Variants in SKIC3 observed in about 807,000 individuals in gnomAD.
SKIC3 encodes the protein superkiller complex protein 3.
At chr5:95,522,176 T>C in the SKIC3 span, 6 of 1,613,946 alleles carry the variant, frequency 3.7e-6, no homozygotes, top group South Asian at 6.6e-5. Context: ...GTATATGGAT[T>C]CTGGGTTCAG....
the SKIC3 span, among the ~76,000 whole-genome samples, chr5:95,511,507 T>C: frequency 6.6e-6 from 1 of 152,186 alleles, no homozygotes; most frequent in Non-Finnish European, 1.5e-5. Context: ...AGTGCTGATG[T>C]TTGTAAATTA....
the SKIC3 span, chr5:95,550,720 A>T: frequency 6.6e-6 from 1 of 152,538 alleles, no homozygotes; most frequent in Non-Finnish European, 1.5e-5. Context: ...AAAACCTTCT[A>T]AACTTTTTAA....
At chr5:95,543,344 TAA>T in the SKIC3 span, 2 of 1,613,186 alleles carry the variant, frequency 1.2e-6, no homozygotes, top group Non-Finnish European at 1.7e-6. Context: ...TAAAAAAAAT[TAA>T]AAGAGTAGGT....
chr5:95,528,463 A>C, the SKIC3 span, among the ~76,000 whole-genome samples: 1 of 152,204 alleles, frequency 6.6e-6, no homozygotes, highest in Non-Finnish European at 1.5e-5. Context: ...CCACAACCAA[A>C]GCACCTGTAA....
At chr5:95,528,275 A>T in the SKIC3 span, 1 of 1,156,514 alleles carries the variant, frequency 8.6e-7, no homozygotes, top group Non-Finnish European at 1.3e-6. Flanking sequence ...AACAATATAC[A>T]TGAAGAATAA....
At chr5:95,534,349 T>C in the SKIC3 span, among the ~76,000 whole-genome samples, 1 of 152,166 alleles carries the variant, frequency 6.6e-6, no homozygotes, top group Non-Finnish European at 1.5e-5. Context: ...ACACCACTCC[T>C]GCCAGGCAGC....
At chr5:95,535,007 T>C in the SKIC3 span, among the ~76,000 whole-genome samples, 1 of 152,302 alleles carries the variant, frequency 6.6e-6, no homozygotes, top group African/African-American at 2.4e-5. Flanking sequence ...TTGATTTTTG[T>C]CTCTCCGTCT....
At chr5:95,519,285 T>C in the SKIC3 span, among the ~76,000 whole-genome samples, 1 of 152,014 alleles carries the variant, frequency 6.6e-6, no homozygotes, top group Non-Finnish European at 1.5e-5. Context: ...AAATAACACA[T>C]GGCAATTTCA....
the SKIC3 span, among the ~76,000 whole-genome samples, chr5:95,525,849 A>G: frequency 6.6e-6 from 1 of 152,188 alleles, no homozygotes; most frequent in East Asian, 1.9e-4. Context: ...TTTATTAAGG[A>G]AAATCTCATA....
At chr5:95,486,872 C>T in the SKIC3 span, among the ~76,000 whole-genome samples, 3 of 152,186 alleles carry the variant, frequency 2.0e-5, no homozygotes, top group Non-Finnish European at 4.4e-5. Context: ...ACCCACACCA[C>T]GTGTGCTGCC....
At chr5:95,520,936 G>T in the SKIC3 span, 13 of 739,646 alleles carry the variant, frequency 1.8e-5, no homozygotes, top group Middle Eastern at 3.8e-4. Flanking sequence ...AAAACTTAAC[G>T]GTGTGTTATA....
the SKIC3 span, among the ~76,000 whole-genome samples, chr5:95,538,817 ATACTC>A: frequency 6.6e-6 from 1 of 152,182 alleles, no homozygotes; most frequent in Admixed American, 6.5e-5. Flanking sequence ...CTAAATATAA[ATACTC>A]TAAACAGTGG....
At chr5:95,529,695 A>G in the SKIC3 span, among the ~76,000 whole-genome samples, 25 of 152,172 alleles carry the variant, frequency 1.6e-4, no homozygotes, top group Non-Finnish European at 3.2e-4. Flanking sequence ...AGGTTCTTCC[A>G]GAAACATCAT....
At chr5:95,479,709 GTGTGTA>G in the SKIC3 span, among the ~76,000 whole-genome samples, 12 of 139,282 alleles carry the variant, frequency 8.6e-5, no homozygotes, top group South Asian at 2.3e-4. Context: ...GTGTGTGTGT[GTGTGTA>G]TAGTTCATTA....
the SKIC3 span, chr5:95,484,729 T>C: frequency 1.2e-6 from 2 of 1,614,048 alleles, no homozygotes; most frequent in South Asian, 2.2e-5. Flanking sequence ...AATACCTTTG[T>C]GCAGAGAGTT....
At chr5:95,482,635 G>A in the SKIC3 span, 1 of 1,613,686 alleles carries the variant, frequency 6.2e-7, no homozygotes, top group Middle Eastern at 1.7e-4. Flanking sequence ...TTAAATTCTA[G>A]AAATCAAATC....
At chr5:95,494,876 C>T in the SKIC3 span, 3 of 1,593,728 alleles carry the variant, frequency 1.9e-6, no homozygotes, top group African/African-American at 1.3e-5. Context: ...TTTGATATGA[C>T]ATAATCCCTA....
the SKIC3 span, chr5:95,529,444 A>G: frequency 2.7e-6 from 1 of 370,162 alleles, no homozygotes; most frequent in South Asian, 2.3e-5. Context: ...CACTGTTGTC[A>G]GGATACTGTG....
At chr5:95,465,519 G>C in the SKIC3 span, among the ~76,000 whole-genome samples, 1 of 152,130 alleles carries the variant, frequency 6.6e-6, no homozygotes, top group South Asian at 2.1e-4. Context: ...CACTGTGAAG[G>C]GTCTGAGATT....
Sources: allele counts gnomAD v4.1 joint callset (sites outside exome capture counted in the v4.1 genomes callset), GRCh38; gene constraint gnomAD v4.1.1; transcripts MANE v1.5; gene names NCBI Gene and HGNC (gene_info 2026-07-23, HGNC 2026-07-21).